Variants in SDK1 observed in about 807,000 individuals in gnomAD.
SDK1 encodes protein sidekick-1.
In SDK1, 157 loss-of-function variants were observed where a neutral mutation model predicts 245.5. That is an observed-to-expected ratio of 0.64 (90% CI 0.56 to 0.73). The LOEUF (loss-of-function observed/expected upper bound fraction) is 0.73, where lower values mean the gene tolerates loss of function less well. Ranked by LOEUF, SDK1 falls within the 30% of genes least tolerant of loss-of-function variation. SDK1 has a pLI of 0.00. For missense variants in SDK1, 3,583 were observed against 3,002.3 expected, an observed-to-expected ratio of 1.19 and a Z score of -4.52; for synonymous variants, 1,647 against 1,278.5, an observed-to-expected ratio of 1.29 and a Z score of -6.15.
chr7:3,524,518 G>C (rs1783054000), intron 1 of SDK1, among the ~76,000 whole-genome samples: 1 of 152,150 alleles, frequency 6.6e-6, no homozygotes, highest in South Asian at 2.1e-4. Flanking sequence ...ACTGACAGAT[G>C]GGTTATGGAG....
intron 1 of SDK1, among the ~76,000 whole-genome samples, chr7:3,543,593 C>G (rs898299417): frequency 6.6e-6 from 1 of 152,218 alleles, no homozygotes; most frequent in African/African-American, 2.4e-5. Flanking sequence ...CGCAAGATGT[C>G]CACCTGCTTA....
At chr7:3,789,456 C>T (rs1015610997) in intron 4 of SDK1, among the ~76,000 whole-genome samples, 9 of 152,254 alleles carry the variant, frequency 5.9e-5, no homozygotes, top group African/African-American at 2.2e-4. Context: ...CCTGTAACTG[C>T]TTTTCTACTT....
intron 5 of SDK1, among the ~76,000 whole-genome samples, chr7:3,946,684 C>G (rs1408762723): frequency 6.6e-6 from 1 of 152,144 alleles, no homozygotes; most frequent in Admixed American, 6.5e-5. Context: ...TAAGGATACT[C>G]TAGCTAAGTG....
intron 4 of SDK1, among the ~76,000 whole-genome samples, chr7:3,779,578 C>T (rs2115009921): frequency 6.6e-6 from 1 of 152,124 alleles, no homozygotes; most frequent in Admixed American, 6.5e-5. Context: ...TTCTCCTTTT[C>T]TCTAATACTA....
chr7:3,604,470 A>G (rs1434575500), intron 1 of SDK1, among the ~76,000 whole-genome samples: 1 of 151,914 alleles, frequency 6.6e-6, no homozygotes, highest in Admixed American at 6.5e-5. Context: ...AGTGCTATAC[A>G]TTTTCCTCTC....
At chr7:3,349,304 T>C (rs1252055736) in intron 1 of SDK1, among the ~76,000 whole-genome samples, 1 of 152,182 alleles carries the variant, frequency 6.6e-6, no homozygotes, top group Admixed American at 6.5e-5. Context: ...CTCACCCTTA[T>C]TAGACTGTGG....
chr7:3,355,378 C>A (rs544968903), intron 1 of SDK1, among the ~76,000 whole-genome samples: 1 of 152,152 alleles, frequency 6.6e-6, no homozygotes, highest in African/African-American at 2.4e-5. Context: ...TGCAATGGTG[C>A]GATCGTAGCT....
At chr7:4,024,988 G>T (rs559617500) in intron 17 of SDK1, among the ~76,000 whole-genome samples, 1 of 150,302 alleles carries the variant, frequency 6.7e-6, no homozygotes, top group East Asian at 2.0e-4. Flanking sequence ...TTTGGACTGC[G>T]GTGCACAATG....
At chr7:3,929,018 A>T (rs1047852153) in intron 5 of SDK1, among the ~76,000 whole-genome samples, 1 of 152,208 alleles carries the variant, frequency 6.6e-6, no homozygotes, top group Non-Finnish European at 1.5e-5. Context: ...ATTCTTTCTC[A>T]GTGTCACCAG....
chr7:3,961,210 T>A (rs558734522), intron 8 of SDK1, among the ~76,000 whole-genome samples: 1 of 152,380 alleles, frequency 6.6e-6, no homozygotes, highest in South Asian at 2.1e-4. Context: ...AAGTGGTTAT[T>A]CCTTATGAAA....
chr7:3,948,688 G>A (rs925854287), intron 5 of SDK1, among the ~76,000 whole-genome samples: 55 of 152,332 alleles, frequency 3.6e-4, no homozygotes, highest in African/African-American at 1.1e-3. Context: ...GCGGGGCTGC[G>A]AACTCAGCCT....
At chr7:3,759,409 A>G (rs1398751233) in intron 4 of SDK1, among the ~76,000 whole-genome samples, 1 of 152,158 alleles carries the variant, frequency 6.6e-6, no homozygotes, top group Non-Finnish European at 1.5e-5. Flanking sequence ...CCTATAAGAA[A>G]AAAAGTAGCT....
chr7:4,178,522 C>A lies in SDK1; in HGVS notation c.5034C>A (p.Thr1678=). Residue 1678 remains threonine (T), a synonymous_variant, in exon 35 of 45, where the codon ACC becomes ACA. Transcript: ENST00000404826. ...ACCGGCGCTATGAAGTAATAATGACCGCCTATAACATCATCGGCGAGAGCC... is the reference window on the plus strand; with the variant it reads ...ACCGGCGCTATGAAGTAATAATGACAGCCTATAACATCATCGGCGAGAGCC... ...KKYRRYEVIM[T]AYNIIGESPA... 1 of 1,613,882 alleles carries A rather than the reference C, an allele frequency of 6.2e-7. No homozygotes were observed. The highest frequency in any genetic ancestry group is 8.5e-7 in the Non-Finnish European group (1 of 1,179,948).
chr7:3,325,738 G>A (rs1223184667), intron 1 of SDK1, among the ~76,000 whole-genome samples: 3 of 152,120 alleles, frequency 2.0e-5, no homozygotes, highest in African/African-American at 7.2e-5. Context: ...GCTGGATAAT[G>A]TGTTACAAAT....
Position 3,401,277 on chromosome 7 carries a change from G to C in SDK1, c.298+99393G>C, listed in dbSNP as rs192864137. ...CACAGAATTCCAATCAAGATGAGTT[G>C]AGCATAATATCATGGAGGCAGGATC... On this transcript the variant is annotated intron_variant, in intron 1 of 44. Transcript: ENST00000404826. Among the ~76,000 whole-genome samples the C allele has an allele frequency of 6.6e-5, 10 of 152,284 alleles. No individual in the cohort carries two copies. The East Asian group carries it at 1.9e-3, about 29-fold the overall frequency.
At chr7:3,535,303 C>T (rs919686055) in intron 1 of SDK1, among the ~76,000 whole-genome samples, 3 of 152,088 alleles carry the variant, frequency 2.0e-5, no homozygotes, top group Admixed American at 2.0e-4. Context: ...AACTGTTAGG[C>T]TATAAAGAGT....
intron 1 of SDK1, among the ~76,000 whole-genome samples, chr7:3,470,747 C>T (rs1471538780): frequency 4.6e-5 from 7 of 152,072 alleles, no homozygotes; most frequent in South Asian, 4.2e-4. Flanking sequence ...ATTCCTTTTC[C>T]GAAATCCCAG....
chr7:3,313,178 G>T (rs1447861784), intron 1 of SDK1, among the ~76,000 whole-genome samples: 1 of 152,178 alleles, frequency 6.6e-6, no homozygotes, highest in Non-Finnish European at 1.5e-5. Context: ...GGAGGCCAAG[G>T]TGGGCAGATC....
intron 33 of SDK1, 21 bp downstream of exon 33, chr7:4,174,378 C>T: frequency 7.4e-6 from 12 of 1,612,640 alleles, no homozygotes; most frequent in Non-Finnish European, 9.3e-6. Flanking sequence ...CCCCTCTGTC[C>T]TGGTACAGGG....
Sources: gnomAD v4.1 joint callset for allele counts (sites outside exome capture counted in the v4.1 genomes callset) on GRCh38, gnomAD v4.1.1 for gene constraint, MANE v1.5 for transcripts, NCBI Gene and HGNC (gene_info 2026-07-23, HGNC 2026-07-21) for gene names.